Variants in TGM2 observed in about 807,000 individuals in gnomAD.
TGM2 encodes transglutaminase 2.
TGM2 carries 53 observed loss-of-function variants against 75.6 expected under a neutral mutation model. The observed-to-expected ratio is 0.70, with a 90% CI of 0.56 to 0.88. The LOEUF (loss-of-function observed/expected upper bound fraction) is 0.88. Among genes scored for constraint, TGM2 ranks in the 40% least tolerant of loss-of-function variants. The pLI is 0.00. For missense variants in TGM2, 842 were observed against 928.5 expected, an observed-to-expected ratio of 0.91 and a Z score of 1.21; for synonymous variants, 374 against 381.1, an observed-to-expected ratio of 0.98 and a Z score of 0.22.
rs576571623 is a variant in TGM2 at position 38,142,688 on chromosome 20, G to A, written c.860-489C>T. 2.1e-4 allele frequency among the ~76,000 whole-genome samples: 32 copies of A among 152,342 alleles called. No individual in the cohort carries two copies. In the East Asian group the frequency reaches 2.1e-3, roughly 10 times the overall value. ...TGCACCACTGCACTCCAGCCTGGGCGACAGAGTGAGACTCCATCTCAAAAT... is the reference window on the plus strand; with the variant it reads ...TGCACCACTGCACTCCAGCCTGGGCAACAGAGTGAGACTCCATCTCAAAAT... On this transcript the variant is annotated intron_variant, in intron 6 of 12. Transcript: ENST00000361475.
intron 12 of TGM2, 106 bp from the exon 13 acceptor site, chr20:38,130,475 TC>T: frequency 7.9e-7 from 1 of 1,261,220 alleles, no homozygotes; most frequent in Non-Finnish European, 1.1e-6. Flanking sequence ...GCACAGCGTG[TC>T]CATGAATGGG....
At chr20:38,136,740 A>T (rs2074905587) in intron 10 of TGM2, among the ~76,000 whole-genome samples, 2 of 152,318 alleles carry the variant, frequency 1.3e-5, no homozygotes, top group South Asian at 4.1e-4. Context: ...CAAATGGCAG[A>T]AAGTGGGATG....
At chr20:38,147,736 G>A (rs983141463) in intron 5 of TGM2, among the ~76,000 whole-genome samples, 1 of 152,024 alleles carries the variant, frequency 6.6e-6, no homozygotes, top group Non-Finnish European at 1.5e-5. Flanking sequence ...AGTGGTACTT[G>A]ATAAATATTT....
At chr20:38,164,257 T>A (rs1370227938) in intron 1 of TGM2, among the ~76,000 whole-genome samples, 1 of 152,200 alleles carries the variant, frequency 6.6e-6, no homozygotes, top group African/African-American at 2.4e-5. Context: ...TGCCACCCAT[T>A]CCTGCTCCAC....
At chr20:38,142,632 C>T (rs1243498460) in intron 6 of TGM2, among the ~76,000 whole-genome samples, 1 of 152,222 alleles carries the variant, frequency 6.6e-6, no homozygotes, top group South Asian at 2.1e-4. Flanking sequence ...TTGCTTGAAC[C>T]TGGGAGGCGG....
chr20:38,149,616 T>A (rs535268080), intron 4 of TGM2, among the ~76,000 whole-genome samples: 10 of 147,476 alleles, frequency 6.8e-5, no homozygotes, highest in Admixed American at 4.8e-4. Context: ...GAGGCAGATC[T>A]TGTAGTGAGC....
In TGM2 at chr20:38,138,308, C is replaced by T; in HGVS notation, c.1420G>A (p.Ala474Thr). ...CTCTGGCCCACACGGATCCGCATGG[C>T]CATCCCTGTCTCCTCCTTCTCGGCC... is the stretch of plus-strand genomic sequence containing the variant. The part of the protein sequence containing the change: ...KLAEKEETGM[A>T]MRIRVGQSMN... Residue 474 changes from alanine (A) to threonine (T), a missense_variant, in exon 10 of 13, where the codon GCC becomes ACC. Transcript: ENST00000361475. 3 of 1,614,188 alleles carry T rather than the reference C, an allele frequency of 1.9e-6. No individual in the cohort carries two copies. Among genetic ancestry groups the T allele is most frequent in the Non-Finnish European group, 2.5e-6 (3 of 1,180,028 alleles).
intron 10 of TGM2, among the ~76,000 whole-genome samples, chr20:38,136,677 A>G (rs867526150): frequency 2.6e-5 from 4 of 152,154 alleles, no homozygotes; most frequent in African/African-American, 9.7e-5. Context: ...TGCAGCTCCC[A>G]GGTCCTCTCC....
intron 2 of TGM2, among the ~76,000 whole-genome samples, chr20:38,157,719 G>A (rs2075205075): frequency 6.6e-6 from 1 of 152,202 alleles, no homozygotes; most frequent in Admixed American, 6.5e-5. Context: ...AAGTGCTCAG[G>A]AAACAATAGT....
chr20:38,147,180 G>A (rs370003134), intron 5 of TGM2, among the ~76,000 whole-genome samples: 16 of 152,200 alleles, frequency 1.1e-4, no homozygotes, highest in East Asian at 3.9e-4. Context: ...AGGATTGCTC[G>A]GGAGTGACAT....
chr20:38,154,529 A>C (rs1279759464), intron 3 of TGM2, among the ~76,000 whole-genome samples: 1 of 152,142 alleles, frequency 6.6e-6, no homozygotes, highest in Non-Finnish European at 1.5e-5. Flanking sequence ...CCTTTGTTCC[A>C]AGCTCTCCCC....
intron 5 of TGM2, 112 bp downstream of exon 5, chr20:38,147,849 A>G (rs2122913226): frequency 6.8e-7 from 1 of 1,466,138 alleles, no homozygotes; most frequent in East Asian, 2.5e-5. Flanking sequence ...CCCAAGACTT[A>G]CCCATCTCCC....
In TGM2 at chr20:38,142,120, G is replaced by A. The variant is rs771164763; in HGVS notation, c.939C>T (p.Ile313=). 3.2e-5 allele frequency: 52 copies of A among 1,614,014 alleles called. No individual in the cohort carries two copies. The highest frequency in any genetic ancestry group is 1.6e-4 in the Middle Eastern group (1 of 6,084). ...SAHDQNSNLL[I]EYFRNEFGEI... The stretch of plus-strand genomic sequence containing the variant: ...CCCCAAACTCATTGCGGAAGTACTC[G>A]ATGAGAAGGTTGCTGTTCTGGTCAT... Residue 313 remains isoleucine (I), a synonymous_variant, in exon 7 of 13, where the codon ATC becomes ATT. Coordinates refer to ENST00000361475, the MANE Select transcript of TGM2 (RefSeq NM_004613.4).
intron 10 of TGM2, chr20:38,133,335 C>G: frequency 6.1e-6 from 1 of 164,824 alleles, no homozygotes; most frequent in South Asian, 1.6e-4. Context: ...GGGGAGATGA[C>G]CTCCCCTCTC....
chr20:38,166,218 A>G (rs1472036714), upstream of TGM2, among the ~76,000 whole-genome samples: 1 of 152,036 alleles, frequency 6.6e-6, no homozygotes, highest in Admixed American at 6.6e-5. Context: ...TCAGCCATCC[A>G]TCTAATCAGC....
At chr20:38,154,438 C>T (rs920234516) in intron 3 of TGM2, among the ~76,000 whole-genome samples, 1 of 152,134 alleles carries the variant, frequency 6.6e-6, no homozygotes, top group African/African-American at 2.4e-5. Flanking sequence ...GATCTGACTG[C>T]CTTGCTAGTT....
Position 38,139,396 on chromosome 20 carries a change from C to T in TGM2, c.1342+16G>A, listed in dbSNP as rs1466710477. The T allele has an allele frequency of 1.9e-6, 3 of 1,613,884 alleles. No individual in the cohort carries two copies. The highest frequency in any genetic ancestry group is 2.5e-6 in the Non-Finnish European group (3 of 1,179,986). ...CTTATCTTCAAGGCTGCATTAAAGA[C>T]TCTGAGGGCACATACCCTCTGGGTA... On this transcript the variant is annotated intron_variant, in intron 9 of 12. Coordinates refer to ENST00000361475, the MANE Select transcript of TGM2 (RefSeq NM_004613.4).
At chr20:38,164,437 G>C (rs1049372241) in intron 1 of TGM2, among the ~76,000 whole-genome samples, 12 of 152,140 alleles carry the variant, frequency 7.9e-5, no homozygotes, top group African/African-American at 2.9e-4. Flanking sequence ...CTTGTGTGTG[G>C]GGAGGGAGTC....
chr20:38,143,642 C>A (rs1265948140), intron 6 of TGM2, among the ~76,000 whole-genome samples: 2 of 152,090 alleles, frequency 1.3e-5, no homozygotes, highest in Non-Finnish European at 2.9e-5. Flanking sequence ...TCCTGGCAGA[C>A]GGAATTATGG....
Sources: gnomAD v4.1 joint callset for allele counts (sites outside exome capture counted in the v4.1 genomes callset) on GRCh38, gnomAD v4.1.1 for gene constraint, MANE v1.5 for transcripts, NCBI Gene and HGNC (gene_info 2026-07-23, HGNC 2026-07-21) for gene names.